TMEM117: variants seen among roughly 807,000 people sequenced by gnomAD.
TMEM117 encodes transmembrane protein 117.
A neutral mutation model predicts 52.4 loss-of-function variants in TMEM117; 27 were observed. That is an observed-to-expected ratio of 0.51 (90% CI 0.38 to 0.71). The LOEUF is 0.71. Among genes scored for constraint, TMEM117 ranks in the 30% least tolerant of loss-of-function variants. TMEM117 has a pLI of 0.00. For missense variants in TMEM117, 556 were observed against 630.5 expected, an observed-to-expected ratio of 0.88 and a Z score of 1.26; for synonymous variants, 215 against 206.3, an observed-to-expected ratio of 1.04 and a Z score of -0.36.
At chr12:44,391,460 A>T (rs751012225), downstream of TMEM117, among the ~76,000 whole-genome samples, 12 of 151,978 alleles carry the variant, frequency 7.9e-5, no homozygotes, top group South Asian at 2.1e-4. Context: ...CCAGGTACAA[A>T]TTTTTTTTAT....
At chr12:43,900,947 G>T (rs1043144998) in intron 2 of TMEM117, among the ~76,000 whole-genome samples, 9 of 152,218 alleles carry the variant, frequency 5.9e-5, no homozygotes, top group African/African-American at 1.7e-4. Flanking sequence ...TTATTTTCTG[G>T]ATTTCCCTGA....
intron 3 of TMEM117, among the ~76,000 whole-genome samples, chr12:44,117,547 C>G (rs1462495635): frequency 6.6e-6 from 1 of 152,206 alleles, no homozygotes; most frequent in South Asian, 2.1e-4. Flanking sequence ...TTGGGTTTGT[C>G]ACTGCATTGG....
intron 2 of TMEM117, among the ~76,000 whole-genome samples, chr12:43,893,910 T>C (rs1167992750): frequency 6.6e-6 from 1 of 152,214 alleles, no homozygotes; most frequent in Admixed American, 6.5e-5. Context: ...ACTCACAAGT[T>C]TGGCACCTCA....
At chr12:43,921,386 G>T (rs114450125) in intron 2 of TMEM117, among the ~76,000 whole-genome samples, 1 of 152,154 alleles carries the variant, frequency 6.6e-6, no homozygotes, top group Admixed American at 6.5e-5. Flanking sequence ...CTGGTAGAGA[G>T]AGAATAAGAT....
intron 3 of TMEM117, among the ~76,000 whole-genome samples, chr12:44,142,244 T>C (rs1016733028): frequency 1.3e-5 from 2 of 152,302 alleles, no homozygotes; most frequent in Admixed American, 1.3e-4. Context: ...GCATGCAATT[T>C]ATGGTAGCTA....
intron 7 of TMEM117, among the ~76,000 whole-genome samples, chr12:44,383,394 C>T (rs1411512464): frequency 6.6e-6 from 1 of 151,990 alleles, no homozygotes; most frequent in Non-Finnish European, 1.5e-5. Context: ...ATGATCTATC[C>T]TCAGATTCTG....
chr12:44,114,416 C>G (rs1010864781), intron 3 of TMEM117, among the ~76,000 whole-genome samples: 55 of 152,064 alleles, frequency 3.6e-4, no homozygotes, highest in Non-Finnish European at 6.3e-4. Context: ...GCATTTAGGA[C>G]TGTATTTTAG....
chr12:43,813,995 T>C, the TMEM117 span, among the ~76,000 whole-genome samples: 2 of 152,126 alleles, frequency 1.3e-5, no homozygotes, highest in Admixed American at 6.6e-5. Context: ...TTCAGGTATA[T>C]TCATACTGTG....
chr12:44,292,044 A>G (rs1046530592), intron 5 of TMEM117, among the ~76,000 whole-genome samples: 1 of 152,018 alleles, frequency 6.6e-6, no homozygotes, highest in African/African-American at 2.4e-5. Context: ...TTTTTAGAAG[A>G]ATTTGAGAAG....
At chr12:43,925,230 G>A (rs1218607929) in intron 2 of TMEM117, among the ~76,000 whole-genome samples, 6 of 151,938 alleles carry the variant, frequency 3.9e-5, no homozygotes, top group Non-Finnish European at 8.8e-5. Flanking sequence ...AGTGTGTGTG[G>A]GGGTGTCTAG....
chr12:44,306,214 T>C (rs776849502), intron 6 of TMEM117, among the ~76,000 whole-genome samples: 5 of 151,822 alleles, frequency 3.3e-5, no homozygotes, highest in Admixed American at 6.6e-5. Context: ...CATACCCCAA[T>C]TCTTAGCATC....
At chr12:44,027,433 CA>C (rs1301258370) in intron 3 of TMEM117, among the ~76,000 whole-genome samples, 1 of 152,032 alleles carries the variant, frequency 6.6e-6, no homozygotes, top group Non-Finnish European at 1.5e-5. Context: ...GTTGGCCTCC[CA>C]AAATGCTGGG....
At chr12:44,353,480 G>T (rs1255455244) in intron 6 of TMEM117, among the ~76,000 whole-genome samples, 1 of 151,526 alleles carries the variant, frequency 6.6e-6, no homozygotes, top group East Asian at 1.9e-4. Flanking sequence ...TGTATAAGGT[G>T]TAAGGAAGGG....
chr12:44,161,800 AAATT>A (rs1327159972), intron 4 of TMEM117, among the ~76,000 whole-genome samples: 3 of 151,954 alleles, frequency 2.0e-5, no homozygotes, highest in African/African-American at 4.8e-5. Context: ...TGGTAGTGGC[AAATT>A]AATTAATTAA....
At chr12:43,914,976 C>T (rs537170980) in intron 2 of TMEM117, among the ~76,000 whole-genome samples, 41 of 152,250 alleles carry the variant, frequency 2.7e-4, no homozygotes, top group African/African-American at 9.6e-4. Context: ...GGATTTTCTT[C>T]TCATCTTGAT....
intron 5 of TMEM117, among the ~76,000 whole-genome samples, chr12:44,226,302 G>A (rs929591599): frequency 6.6e-6 from 1 of 152,144 alleles, no homozygotes; most frequent in Non-Finnish European, 1.5e-5. Context: ...CTCTGGATAA[G>A]AATGGGATCA....
rs544851704 is a variant in TMEM117 at position 44,317,301 on chromosome 12, T to G, written c.768+17562T>G. The stretch of plus-strand genomic sequence containing the variant: ...TTTCCCTATTATATATATATATATG[T>G]TTTTTTTTTTAATTTTTCTTTGTTT... On this transcript the variant is annotated intron_variant, in intron 6 of 7. Coordinates refer to ENST00000266534, the MANE Select transcript of TMEM117 (RefSeq NM_032256.3). Among the ~76,000 whole-genome samples, 80 of 136,246 alleles carry G rather than the reference T, an allele frequency of 5.9e-4. No individual in the cohort carries two copies. In the South Asian group the frequency reaches 0.015, roughly 26 times the overall value. The allele number at this position is 136,246 out of a possible 152,430, so 89.4% of individuals were successfully genotyped here.
intron 3 of TMEM117, among the ~76,000 whole-genome samples, chr12:43,959,222 A>G (rs988815267): frequency 6.6e-6 from 1 of 152,168 alleles, no homozygotes; most frequent in African/African-American, 2.4e-5. Context: ...ATTGTTCAAG[A>G]TCCAATTAAA....
At chr12:43,904,624 T>A (rs1944355243) in intron 2 of TMEM117, among the ~76,000 whole-genome samples, 1 of 152,242 alleles carries the variant, frequency 6.6e-6, no homozygotes, top group East Asian at 1.9e-4. Context: ...GTGTACTCAA[T>A]AGCACTACAT....
Sources: allele counts gnomAD v4.1 joint callset (sites outside exome capture counted in the v4.1 genomes callset), GRCh38; gene constraint gnomAD v4.1.1; transcripts MANE v1.5; gene names NCBI Gene and HGNC (gene_info 2026-07-23, HGNC 2026-07-21).